Variants in ZBBX observed in about 807,000 individuals in gnomAD.
ZBBX encodes the protein zinc finger B-box domain-containing protein 1.
Under a neutral mutation model 108.5 loss-of-function variants are expected in ZBBX, and 101 were observed. That is an observed-to-expected ratio of 0.93 (90% CI 0.79 to 1.10). ZBBX has a LOEUF of 1.10. Ranked by LOEUF, ZBBX falls within the 50% of genes least tolerant of loss-of-function variation. The probability of loss-of-function intolerance (pLI) is 0.00; values close to 1 mark genes in which losing one functional copy is unlikely to be tolerated. For missense variants in ZBBX, 1,009 were observed against 941.4 expected, an observed-to-expected ratio of 1.07 and a Z score of -0.94; for synonymous variants, 356 against 323.4, an observed-to-expected ratio of 1.10 and a Z score of -1.08.
chr3:167,338,369 G>A (rs1739936964), intron 9 of ZBBX, among the ~76,000 whole-genome samples: 1 of 152,084 alleles, frequency 6.6e-6, no homozygotes, highest in Admixed American at 6.6e-5. Context: ...AGAAGTTAAA[G>A]CCCAAGAATA....
chr3:167,313,806 T>G (rs1247290819), intron 16 of ZBBX, among the ~76,000 whole-genome samples, 168 bp downstream of exon 16: 1 of 152,178 alleles, frequency 6.6e-6, no homozygotes, highest in Non-Finnish European at 1.5e-5. Context: ...TGTTGTCCAT[T>G]GACTAAATTG....
intron 18 of ZBBX, among the ~76,000 whole-genome samples, chr3:167,296,948 A>G (rs1731788558): frequency 6.6e-6 from 1 of 152,064 alleles, no homozygotes; most frequent in Non-Finnish European, 1.5e-5. Context: ...CAAAGCTGGA[A>G]GACTCACACT....
At chr3:167,298,947 C>G (rs1560090560) in intron 17 of ZBBX, among the ~76,000 whole-genome samples, 3 of 152,040 alleles carry the variant, frequency 2.0e-5, no homozygotes, top group Admixed American at 6.6e-5. Flanking sequence ...AAGTAGGAAA[C>G]TGTGGCAAGA....
intron 20 of ZBBX, among the ~76,000 whole-genome samples, chr3:167,243,420 C>T (rs777821964): frequency 9.4e-5 from 14 of 149,638 alleles, no homozygotes; most frequent in Admixed American, 2.0e-4. Flanking sequence ...TTTTTTTAGA[C>T]AGAATTTCGG....
In ZBBX at chr3:167,315,766, C is replaced by T. The variant is rs1735342856; in HGVS notation, c.1258G>A (p.Ala420Thr). ...AGGTTTTACCTTCGTTGACTGTCTG[C>T]ATCAGCTAATTTAACTTTGTAAGGC... ...IVPYKVKLADADSQRSCAFHD... is the reference protein window; with the variant it reads ...IVPYKVKLADTDSQRSCAFHD... Residue 420 changes from alanine to threonine, a missense_variant, in exon 15 of 22, where the codon GCA (alanine) becomes ACA (threonine). Physicochemically the swap from Ala to Thr is moderately conservative, Grantham distance 58. Transcript: ENST00000675490. The T allele has an allele frequency of 1.2e-6, 2 of 1,608,172 alleles. No homozygotes were observed. Among genetic ancestry groups the T allele is most frequent in the East Asian group, 2.2e-5 (1 of 44,694 alleles).
At chr3:167,230,698 G>A in the ZBBX span, among the ~76,000 whole-genome samples, 1 of 151,900 alleles carries the variant, frequency 6.6e-6, no homozygotes, top group Admixed American at 6.6e-5. Context: ...AGAAAGAGGA[G>A]CAAGTTATGA....
chr3:167,205,563 A>G, the ZBBX span, among the ~76,000 whole-genome samples: 3 of 152,294 alleles, frequency 2.0e-5, no homozygotes, highest in African/African-American at 4.8e-5. Context: ...AATAACAGCT[A>G]ACATTTATGC....
At chr3:167,403,589 T>C (rs896535856) in intron 1 of ZBBX, among the ~76,000 whole-genome samples, 1 of 152,108 alleles carries the variant, frequency 6.6e-6, no homozygotes, top group African/African-American at 2.4e-5. Flanking sequence ...ATGAAACATT[T>C]ATATTGTGAG....
intron 10 of ZBBX, among the ~76,000 whole-genome samples, chr3:167,330,918 T>C (rs913833814): frequency 6.4e-4 from 16 of 24,928 alleles, no homozygotes; most frequent in African/African-American, 1.4e-3. Context: ...AGAGGCATCA[T>C]ATATCTCTTC....
intron 20 of ZBBX, among the ~76,000 whole-genome samples, chr3:167,265,178 G>A (rs1329907426): frequency 2.6e-5 from 4 of 152,180 alleles, no homozygotes; most frequent in Admixed American, 2.6e-4. Context: ...TGCCACAGCT[G>A]AGAATGTGCT....
chr3:167,275,903 T>C (rs1727477343), intron 20 of ZBBX, among the ~76,000 whole-genome samples: 1 of 152,202 alleles, frequency 6.6e-6, no homozygotes, highest in Non-Finnish European at 1.5e-5. Context: ...AAGAGAGCAG[T>C]GGTTCTCCCA....
chr3:167,191,918 T>TAG, the ZBBX span, among the ~76,000 whole-genome samples: 2 of 112,546 alleles, frequency 1.8e-5, no homozygotes, highest in African/African-American at 3.4e-5. Context: ...TATATATATA[T>TAG]ATATATATAT....
chr3:167,368,149 T>G (rs1340462788), intron 5 of ZBBX, among the ~76,000 whole-genome samples: 12 of 151,418 alleles, frequency 7.9e-5, no homozygotes, highest in South Asian at 4.1e-4. Flanking sequence ...AGGTAAAGTG[T>G]GCACTGCTGT....
intron 20 of ZBBX, among the ~76,000 whole-genome samples, chr3:167,260,444 C>A (rs567634080): frequency 1.3e-5 from 2 of 152,250 alleles, no homozygotes; most frequent in South Asian, 4.1e-4. Flanking sequence ...TCTTAGAATT[C>A]TCTTCTTCCT....
upstream of ZBBX, chr3:167,381,280 G>C (rs1226612929): frequency 6.6e-6 from 1 of 152,132 alleles, no homozygotes; most frequent in Non-Finnish European, 1.5e-5. Context: ...GGATTTTGGA[G>C]TCAGGCAGAT....
chr3:167,213,660 G>T, the ZBBX span, among the ~76,000 whole-genome samples: 1 of 152,164 alleles, frequency 6.6e-6, no homozygotes, highest in Non-Finnish European at 1.5e-5. Context: ...AACTTTGCTA[G>T]AGAGGCTAAC....
chr3:167,227,473 G>A, the ZBBX span, among the ~76,000 whole-genome samples: 2 of 151,584 alleles, frequency 1.3e-5, no homozygotes, highest in Non-Finnish European at 3.0e-5. Context: ...TACATTCTGG[G>A]TCTCTCTTAT....
intron 9 of ZBBX, among the ~76,000 whole-genome samples, chr3:167,342,989 C>T (rs1740811955): frequency 6.6e-6 from 1 of 151,754 alleles, no homozygotes; most frequent in African/African-American, 2.4e-5. Context: ...GAAAACAGCC[C>T]TCAACACAAA....
intron 16 of ZBBX, among the ~76,000 whole-genome samples, chr3:167,312,350 T>G (rs1734733711): frequency 6.6e-6 from 1 of 152,140 alleles, no homozygotes; most frequent in Non-Finnish European, 1.5e-5. Context: ...ATACTATAAG[T>G]GGTGAATATG....
Sources: gnomAD v4.1 joint callset for allele counts (sites outside exome capture counted in the v4.1 genomes callset) on GRCh38, gnomAD v4.1.1 for gene constraint, MANE v1.5 for transcripts, NCBI Gene and HGNC (gene_info 2026-07-23, HGNC 2026-07-21) for gene names.